The following CDK13 variants were observed in gnomAD, a reference collection of about 807,000 sequenced individuals.
CDK13 encodes the protein cyclin-dependent kinase 13.
A neutral mutation model predicts 137.6 loss-of-function variants in CDK13; 40 were observed. The observed-to-expected ratio is 0.29, with a 90% confidence interval of 0.23 to 0.38. The LOEUF (loss-of-function observed/expected upper bound fraction) is 0.38, where lower values mean the gene tolerates loss of function less well. CDK13 is among the 10% of genes least tolerant of loss of function. The probability of loss-of-function intolerance (pLI) is 1.00; values close to 1 mark genes in which losing one functional copy is unlikely to be tolerated. For missense variants in CDK13, 1,704 were observed against 1,951.8 expected (o/e 0.87, Z 2.39); for synonymous variants, 869 against 760.1 (o/e 1.14, Z -2.36).
chr7:39,961,542 C>T (rs1362952073), intron 1 of CDK13, among the ~76,000 whole-genome samples: 3 of 152,146 alleles, frequency 2.0e-5, no homozygotes, highest in African/African-American at 7.2e-5. Flanking sequence ...CCATTCTACT[C>T]CCTACTTCTA....
At chr7:40,021,106 TATATATATATATATATACAC>T (rs1376823344) in intron 5 of CDK13, among the ~76,000 whole-genome samples, 2 of 65,384 alleles carry the variant, frequency 3.1e-5, no homozygotes, top group Non-Finnish European at 5.7e-5. Context: ...AACAAACGTA[TATATATATATATATATACAC>T]ACACACACAC....
At chr7:40,003,202 ACACACTCTCTCT>A (rs1185477466) in intron 5 of CDK13, among the ~76,000 whole-genome samples, 44 of 81,032 alleles carry the variant, frequency 5.4e-4, no homozygotes, top group South Asian at 1.5e-3. Flanking sequence ...ACACACACAC[ACACACTCTCTCT>A]CTCTCTCTCT....
intron 5 of CDK13, among the ~76,000 whole-genome samples, chr7:40,043,231 T>C (rs1165162904): frequency 1.3e-5 from 2 of 152,364 alleles, no homozygotes; most frequent in East Asian, 3.9e-4. Flanking sequence ...CAAAACACTA[T>C]TTTATCTATT....
chr7:39,959,841 GTT>G (rs34837261), intron 1 of CDK13, among the ~76,000 whole-genome samples: 346 of 123,938 alleles, frequency 2.8e-3, no homozygotes, highest in African/African-American at 6.0e-3. Context: ...CTACTAACTT[GTT>G]TTTTTTTTTT....
intron 1 of CDK13, among the ~76,000 whole-genome samples, chr7:39,980,152 T>C (rs775759525): frequency 2.0e-5 from 3 of 152,152 alleles, no homozygotes; most frequent in Non-Finnish European, 4.4e-5. Flanking sequence ...AAGGGAATAG[T>C]ATAGAGTTAG....
Position 39,950,910 on chromosome 7 carries a change from A to G in CDK13, c.269A>G (p.Lys90Arg), listed in dbSNP as rs1787145681. The part of the protein sequence containing the change: ...CFSPGPPLEV[K>R]RLARGKRRAG... The stretch of plus-strand genomic sequence containing the variant: ...AGCCCGGGCCCCCCTCTGGAGGTCA[A>G]GCGGCTGGCGAGAGGCAAGAGGCGC... The change falls in exon 1 of 14, where the codon AAG (lysine) becomes AGG (arginine). Residue 90 changes from lysine to arginine, a missense_variant. Lys to Arg is a conservative substitution (Grantham distance 26). Around this residue, in one of 5 missense-constraint regions of CDK13, gnomAD observed 1,051 missense variants for 931.0 expected, o/e 1.13. Transcript: ENST00000181839. 2 of 1,332,760 alleles carry G rather than the reference A, an allele frequency of 1.5e-6. No homozygotes were observed. The highest frequency in any genetic ancestry group is 1.9e-6 in the Non-Finnish European group (2 of 1,049,330). The allele number at this position is 1,332,760 out of a possible 1,614,324, so 82.6% of individuals were successfully genotyped here.
intron 10 of CDK13, 25 bp downstream of exon 10, chr7:40,078,146 C>A: frequency 9.3e-7 from 1 of 1,074,376 alleles, no homozygotes; most frequent in Non-Finnish European, 1.4e-6. Flanking sequence ...TGTAAACATC[C>A]TTATTGCATG....
rs1787192198 is a variant in CDK13 at position 39,951,442 on chromosome 7, C to T, written c.801C>T (p.Ser267=). The T allele has an allele frequency of 5.2e-6, 8 of 1,536,962 alleles. No homozygotes were observed. Among genetic ancestry groups the T allele is most frequent in the Admixed American group, 2.0e-5 (1 of 49,178 alleles). ...RRKSASATSS[S]SSSRKDRDSK... is the part of the protein sequence containing the mutation. The stretch of plus-strand genomic sequence containing the variant: ...AAAGCGCTTCGGCCACATCCAGCAG[C>T]AGTAGCAGCCGCAAGGACCGGGACT... The change falls in exon 1 of 14, where the codon AGC becomes AGT. Residue 267 remains serine, a synonymous_variant. Coordinates refer to ENST00000181839, the MANE Select transcript of CDK13 (RefSeq NM_003718.5).
chr7:40,000,305 G>A (rs1364232562), intron 4 of CDK13, among the ~76,000 whole-genome samples: 2 of 152,194 alleles, frequency 1.3e-5, no homozygotes, highest in Non-Finnish European at 2.9e-5. Context: ...AGTGGAGGTT[G>A]TAGTGAGCTG....
At position 40,013,123 on chromosome 7, in the gene CDK13, TATCTTCAGGACATGCCAAGTGAA is replaced by T. The variant is rs1784931620; in HGVS notation, c.2353+11095_2353+11117del. Among the ~76,000 whole-genome samples the T allele has an allele frequency of 2.0e-5, 3 of 152,298 alleles. No homozygotes were observed. In the South Asian group the frequency reaches 6.2e-4, roughly 32 times the overall value. ...TTTACACATGCTTACAACATAGATA[TATCTTCAGGACATGCCAAGTGAA>T]ATAAGCCAGTCACAAAGATAATATA... is the stretch of plus-strand genomic sequence containing the variant. On this transcript the variant is annotated intron_variant, in intron 5 of 13. Coordinates refer to ENST00000181839, the MANE Select transcript of CDK13 (RefSeq NM_003718.5).
intron 9 of CDK13, chr7:40,070,091 A>G (rs1321474943): frequency 4.9e-5 from 7 of 142,746 alleles, no homozygotes; most frequent in African/African-American, 1.5e-4. Flanking sequence ...AAAAAAAAAA[A>G]AAGCCGGGCA....
intron 7 of CDK13, among the ~76,000 whole-genome samples, chr7:40,049,624 A>G (rs76761077): frequency 0.039 from 5,960 of 152,154 alleles, 342 homozygotes; most frequent in African/African-American, 0.13. Context: ...ACTCTCAACA[A>G]TTTTCAAGAA....
chr7:40,074,244 C>T (rs572544280), intron 9 of CDK13, among the ~76,000 whole-genome samples: 1 of 152,214 alleles, frequency 6.6e-6, no homozygotes, highest in South Asian at 2.1e-4. Flanking sequence ...GGGCATGGGC[C>T]AGGTGCGGTG....
intron 1 of CDK13, among the ~76,000 whole-genome samples, chr7:39,967,570 TCTC>T (rs1348971827): frequency 6.6e-6 from 1 of 152,082 alleles, no homozygotes; most frequent in Admixed American, 6.6e-5. Flanking sequence ...AGTGGAGACA[TCTC>T]CTAAGCATAC....
rs1784400088 is a variant in CDK13 at position 39,988,999 on chromosome 7, A to G, written c.1871+741A>G. Among the ~76,000 whole-genome samples the G allele has an allele frequency of 2.1e-5, 3 of 143,078 alleles. 1 individual carries two copies. In the South Asian group the frequency reaches 6.7e-4, roughly 32 times the overall value. The allele number at this position is 143,078 out of a possible 152,430, so 93.9% of individuals were successfully genotyped here. On this transcript the variant is annotated intron_variant, in intron 2 of 13. Transcript: ENST00000181839. Reference sequence around the variant, plus strand: ...CTAGGGAGGCTGAGGCAGGAGAGTCACTTGAACCTGGGAGGTGGAGGTTGC... The same window carrying G: ...CTAGGGAGGCTGAGGCAGGAGAGTCGCTTGAACCTGGGAGGTGGAGGTTGC...
intron 7 of CDK13, among the ~76,000 whole-genome samples, chr7:40,052,668 G>C (rs750250816): frequency 1.3e-5 from 2 of 152,070 alleles, no homozygotes; most frequent in South Asian, 4.1e-4. Context: ...AGGCAGTATC[G>C]CCATCTAGTG....
chr7:40,039,434 A>ATTTTTTTTTTTTTTTTTTT lies in CDK13; in HGVS notation c.2354-6397_2354-6379dup, dbSNP rs976319927. On this transcript the variant is annotated intron_variant, in intron 5 of 13. Transcript: ENST00000181839. ...AGGTGCCCACGACCATGCCCGGCTA[A>ATTTTTTTTTTTTTTTTTTT]TTTTTTTTTTTTTTTTTTTTTTTGC... 7.1e-5 allele frequency among the ~76,000 whole-genome samples: 6 copies of ATTTTTTTTTTTTTTTTTTT among 85,000 alleles called. 1 individual carries two copies. Among genetic ancestry groups the ATTTTTTTTTTTTTTTTTTT allele is most frequent in the African/African-American group, 3.3e-4 (6 of 18,014 alleles). The allele number at this position is 85,000 out of a possible 152,430, so 55.8% of individuals were successfully genotyped here. A position where few individuals can be genotyped will look rare whatever the true frequency, so the allele number is the denominator to read the frequency against.
intron 5 of CDK13, among the ~76,000 whole-genome samples, chr7:40,015,814 T>C (rs1378737720): frequency 5.3e-5 from 8 of 152,174 alleles, no homozygotes; most frequent in Non-Finnish European, 8.8e-5. Context: ...TTCAGTCACA[T>C]CTGACTAGCT....
At chr7:39,995,722 T>A (rs571077249) in intron 2 of CDK13, among the ~76,000 whole-genome samples, 2 of 152,260 alleles carry the variant, frequency 1.3e-5, no homozygotes, top group African/African-American at 4.8e-5. Context: ...AAAATAAAAC[T>A]GCAGGCCTGG....
Sources: allele counts gnomAD v4.1 joint callset (sites outside exome capture counted in the v4.1 genomes callset), GRCh38; gene constraint gnomAD v4.1.1; regional missense constraint gnomAD v4.1.1; transcripts MANE v1.5; gene names NCBI Gene and HGNC (gene_info 2026-07-23, HGNC 2026-07-21).